STRN3: variants seen among roughly 807,000 people sequenced by gnomAD.
STRN3 encodes the protein striatin 3.
Under a neutral mutation model 95.6 loss-of-function variants are expected in STRN3, and 29 were observed. The observed-to-expected ratio is 0.30, with a 90% CI of 0.23 to 0.41. The LOEUF (loss-of-function observed/expected upper bound fraction) is 0.41, where lower values mean the gene tolerates loss of function less well. Ranked by LOEUF, STRN3 falls within the 10% of genes least tolerant of loss-of-function variation. The probability of loss-of-function intolerance (pLI) is 1.00; values close to 1 mark genes in which losing one functional copy is unlikely to be tolerated. For missense variants in STRN3, 890 were observed against 972.1 expected (o/e 0.92, Z 1.12); for synonymous variants, 331 against 357.6 (o/e 0.93, Z 0.84).
intron 1 of STRN3, among the ~76,000 whole-genome samples, chr14:30,990,421 G>A (rs1881900295): frequency 6.6e-6 from 1 of 152,014 alleles, no homozygotes; most frequent in Non-Finnish European, 1.5e-5. Flanking sequence ...GCCCGCCTCA[G>A]ACTCCCAAAG....
Position 30,912,038 on chromosome 14 carries a change from A to AC in STRN3, c.1518_1519insG (p.Trp507ValfsTer24). 6.2e-7 allele frequency: 1 copy of AC among 1,612,160 alleles called. No homozygotes were observed. Among genetic ancestry groups the AC allele is most frequent in the Non-Finnish European group, 8.5e-7 (1 of 1,179,580 alleles). On this transcript the variant is annotated frameshift_variant, in exon 11 of 18. Coordinates refer to ENST00000357479, the MANE Select transcript of STRN3 (RefSeq NM_001083893.2). LOFTEE classifies it high-confidence loss of function. ...GCAGGAACTGTTTTTTGCAGGTTCC[A>AC]AAGTTTCAGGGTATGGTCCTCAGAA...
intron 9 of STRN3, among the ~76,000 whole-genome samples, chr14:30,918,291 G>C (rs1896790448): frequency 6.6e-6 from 1 of 152,072 alleles, no homozygotes; most frequent in South Asian, 2.1e-4. Context: ...CAGATCACTT[G>C]AGGTCAGGAG....
At chr14:30,993,946 C>T (rs145724965) in intron 1 of STRN3, among the ~76,000 whole-genome samples, 3 of 151,796 alleles carry the variant, frequency 2.0e-5, no homozygotes, top group Non-Finnish European at 2.9e-5. Context: ...CACACAATCT[C>T]GGCTCACGGC....
At chr14:30,974,785 G>A (rs1312470191) in intron 1 of STRN3, among the ~76,000 whole-genome samples, 1 of 147,464 alleles carries the variant, frequency 6.8e-6, no homozygotes, top group East Asian at 2.0e-4. Context: ...CAGCCTGGGT[G>A]ACGGAGTAAG....
At chr14:30,921,069 TATACACACACACACACACACAC>T (rs1162792134) in intron 8 of STRN3, among the ~76,000 whole-genome samples, 13 of 119,850 alleles carry the variant, frequency 1.1e-4, no homozygotes, top group African/African-American at 3.4e-4. Context: ...TACACATACA[TATACACACACACACACACACAC>T]ACACACACAC....
chr14:31,001,540 TAA>T (rs879303908), intron 1 of STRN3, among the ~76,000 whole-genome samples: 1 of 136,794 alleles, frequency 7.3e-6, no homozygotes. Context: ...AGACCCCACC[TAA>T]AAAAAAAAAA....
chr14:30,960,134 T>C (rs913300248), intron 1 of STRN3, among the ~76,000 whole-genome samples: 7 of 151,888 alleles, frequency 4.6e-5, no homozygotes, highest in African/African-American at 1.2e-4. Flanking sequence ...GGAGGGTGGA[T>C]TGCTTGAGAC....
At chr14:30,955,781 T>C (rs1187429282) in intron 2 of STRN3, 88 bp from the exon 3 acceptor site, 4 of 1,045,890 alleles carry the variant, frequency 3.8e-6, no homozygotes, top group African/African-American at 1.7e-5. Context: ...AAACATAATA[T>C]GAATGTCTGC....
intron 8 of STRN3, among the ~76,000 whole-genome samples, chr14:30,924,515 C>G (rs1896970767): frequency 6.6e-6 from 1 of 152,012 alleles, no homozygotes; most frequent in African/African-American, 2.4e-5. Context: ...TGATCTCAAA[C>G]TCTTGACCTC....
intron 9 of STRN3, 61 bp downstream of exon 9, chr14:30,918,905 G>T: frequency 7.0e-7 from 1 of 1,418,454 alleles, no homozygotes. Context: ...GTTGCATTAA[G>T]ATGTGATTTG....
chr14:30,940,812 T>G (rs981155315), intron 5 of STRN3, among the ~76,000 whole-genome samples: 1 of 152,202 alleles, frequency 6.6e-6, no homozygotes, highest in African/African-American at 2.4e-5. Flanking sequence ...ATTGACCCTC[T>G]CAACTTGATC....
chr14:30,934,278 T>C (rs1878707218), intron 7 of STRN3, among the ~76,000 whole-genome samples: 1 of 152,102 alleles, frequency 6.6e-6, no homozygotes. Context: ...GAGCCAAGAT[T>C]GCACCACTGC....
intron 1 of STRN3, among the ~76,000 whole-genome samples, chr14:31,001,380 T>A (rs1236856624): frequency 1.3e-5 from 2 of 151,772 alleles, no homozygotes; most frequent in Non-Finnish European, 2.9e-5. Context: ...CAAAAAAATT[T>A]AAAAATTTTG....
chr14:30,923,483 G>C (rs1481733867), intron 8 of STRN3, among the ~76,000 whole-genome samples: 1 of 151,914 alleles, frequency 6.6e-6, no homozygotes, highest in Non-Finnish European at 1.5e-5. Flanking sequence ...AAGGGAAATG[G>C]CAAAAAAGTC....
In STRN3 at chr14:30,950,963, A is replaced by G; in HGVS notation, c.461-19T>C. 1 of 1,601,830 alleles carries G rather than the reference A, an allele frequency of 6.2e-7. No individual in the cohort carries two copies. ...GTTTCTTCTAAAAATTAAGAAAAAA[A>G]AAGTTTTACATACTTTATTTCGACT... On this transcript the variant is annotated intron_variant, in intron 3 of 17. Coordinates refer to ENST00000357479, the MANE Select transcript of STRN3 (RefSeq NM_001083893.2).
At chr14:30,997,465 C>A (rs970791479) in intron 1 of STRN3, among the ~76,000 whole-genome samples, 5 of 152,128 alleles carry the variant, frequency 3.3e-5, no homozygotes, top group African/African-American at 1.2e-4. Flanking sequence ...AGATTAGAGC[C>A]CGCCAAAGTT....
intron 9 of STRN3, among the ~76,000 whole-genome samples, chr14:30,914,601 C>A (rs1247308368): frequency 6.6e-6 from 1 of 152,192 alleles, no homozygotes. Flanking sequence ...ATCCACCTGC[C>A]TCGGCCTCCC....
chr14:31,006,986 T>G (rs1882748828), intron 1 of STRN3, among the ~76,000 whole-genome samples: 1 of 152,130 alleles, frequency 6.6e-6, no homozygotes, highest in Non-Finnish European at 1.5e-5. Context: ...AGACCCTGTC[T>G]CTAAAATAAA....
intron 1 of STRN3, among the ~76,000 whole-genome samples, chr14:31,015,819 G>A (rs1489784341): frequency 6.6e-6 from 1 of 152,168 alleles, no homozygotes; most frequent in Non-Finnish European, 1.5e-5. Flanking sequence ...AACCTTGTGA[G>A]ACAGGGACTC....
Sources: allele counts gnomAD v4.1 joint callset (sites outside exome capture counted in the v4.1 genomes callset), GRCh38; gene constraint gnomAD v4.1.1; transcripts MANE v1.5; gene names NCBI Gene and HGNC (gene_info 2026-07-23, HGNC 2026-07-21).